The following FRMD6 variants were observed in gnomAD, a reference collection of about 807,000 sequenced individuals.
FRMD6 encodes FERM domain containing 6.
A neutral mutation model predicts 73.2 loss-of-function variants in FRMD6; 37 were observed. The observed-to-expected ratio is 0.51, with a 90% confidence interval of 0.39 to 0.66. FRMD6 has a LOEUF of 0.66. FRMD6 is among the 30% of genes least tolerant of loss of function. The pLI, the probability that FRMD6 is intolerant of heterozygous loss-of-function variation, is 0.00. For synonymous variants in FRMD6, 273 were observed against 282.2 expected (o/e 0.97, Z 0.33); for missense variants, 714 against 780.5 (o/e 0.91, Z 1.02).
chr14:51,684,389 C>T (rs964286415), intron 1 of FRMD6, among the ~76,000 whole-genome samples: 1 of 152,164 alleles, frequency 6.6e-6, no homozygotes, highest in African/African-American at 2.4e-5. Flanking sequence ...CCAGAGGCCA[C>T]ACACATTCAA....
At chr14:51,533,723 G>A (rs537524433) in intron 1 of FRMD6, among the ~76,000 whole-genome samples, 5 of 152,230 alleles carry the variant, frequency 3.3e-5, no homozygotes, top group Admixed American at 6.5e-5. Flanking sequence ...AATAAATGTC[G>A]TGGTCTCAAG....
the FRMD6 span, among the ~76,000 whole-genome samples, chr14:51,447,047 A>G: frequency 6.6e-6 from 1 of 152,212 alleles, no homozygotes; most frequent in African/African-American, 2.4e-5. Context: ...TCAATACTTT[A>G]TAATACTCTG....
intron 2 of FRMD6, among the ~76,000 whole-genome samples, chr14:51,629,063 A>C (rs1026869860): frequency 1.3e-5 from 2 of 151,780 alleles, no homozygotes; most frequent in Non-Finnish European, 2.9e-5. Flanking sequence ...TTTTTAGTAG[A>C]GACGGGGTTT....
At chr14:51,483,438 G>A in the FRMD6 span, among the ~76,000 whole-genome samples, 36 of 152,220 alleles carry the variant, frequency 2.4e-4, no homozygotes, top group African/African-American at 7.2e-4. Flanking sequence ...CATTTGAAGG[G>A]AGTCTTGCAT....
the FRMD6 span, among the ~76,000 whole-genome samples, chr14:51,441,859 C>T: frequency 6.6e-6 from 1 of 152,132 alleles, no homozygotes; most frequent in African/African-American, 2.4e-5. Context: ...TGTAAATATG[C>T]AGTGACATTA....
chr14:51,444,148 C>T, the FRMD6 span, among the ~76,000 whole-genome samples: 1 of 152,146 alleles, frequency 6.6e-6, no homozygotes, highest in Non-Finnish European at 1.5e-5. Flanking sequence ...AGGCTGGTCT[C>T]GAACTCCTGA....
chr14:51,582,655 C>T (rs1888792044), intron 2 of FRMD6, among the ~76,000 whole-genome samples: 1 of 152,206 alleles, frequency 6.6e-6, no homozygotes, highest in African/African-American at 2.4e-5. Flanking sequence ...GGTCATCTCA[C>T]TGCCAGTGGA....
intron 1 of FRMD6, among the ~76,000 whole-genome samples, chr14:51,680,983 G>C (rs1469104596): frequency 2.6e-5 from 4 of 152,122 alleles, no homozygotes; most frequent in Non-Finnish European, 5.9e-5. Context: ...AAGCCAAATT[G>C]GTTGCAGTGA....
intron 6 of FRMD6, among the ~76,000 whole-genome samples, chr14:51,707,738 A>G (rs901909518): frequency 6.6e-6 from 1 of 152,142 alleles, no homozygotes; most frequent in Non-Finnish European, 1.5e-5. Context: ...ACCAAGTATA[A>G]ACTTGCAAGT....
intron 5 of FRMD6, among the ~76,000 whole-genome samples, chr14:51,704,228 T>C (rs1296067693): frequency 6.6e-6 from 1 of 152,070 alleles, no homozygotes; most frequent in Non-Finnish European, 1.5e-5. Context: ...GTTAAGCAAA[T>C]TTTTTTCCAG....
chr14:51,415,192 A>C, the FRMD6 span, among the ~76,000 whole-genome samples: 1 of 152,192 alleles, frequency 6.6e-6, no homozygotes, highest in Non-Finnish European at 1.5e-5. Context: ...CACTATGTTG[A>C]ATAGGAGTGG....
the FRMD6 span, among the ~76,000 whole-genome samples, chr14:51,474,002 A>G: frequency 6.6e-6 from 1 of 152,122 alleles, no homozygotes; most frequent in African/African-American, 2.4e-5. Flanking sequence ...ATTTATCATC[A>G]CAAAAACCCT....
At chr14:51,530,913 G>C (rs771800573) in intron 1 of FRMD6, among the ~76,000 whole-genome samples, 53 of 152,176 alleles carry the variant, frequency 3.5e-4, no homozygotes, top group Non-Finnish European at 6.2e-4. Context: ...ACCTGAGACT[G>C]GGTAATTTAT....
Position 51,702,595 on chromosome 14 carries a change from G to C in FRMD6, c.371+7G>C. The C allele has an allele frequency of 6.2e-7, 1 of 1,607,862 alleles. No homozygotes were observed. The highest frequency in any genetic ancestry group is 8.5e-7 in the Non-Finnish European group (1 of 1,176,202). On this transcript the variant is annotated splice_region_variant and intron_variant, in intron 5 of 13. Coordinates refer to ENST00000344768, the MANE Select transcript of FRMD6 (RefSeq NM_001267046.2). ...AAAATGGCAGATTGATCAGGTAAGA[G>C]GACAGGGGGTGATTCTAAACGCTTT...
At chr14:51,669,906 C>G (rs941081698) in intron 1 of FRMD6, among the ~76,000 whole-genome samples, 1 of 150,812 alleles carries the variant, frequency 6.6e-6, no homozygotes, top group Non-Finnish European at 1.5e-5. Flanking sequence ...CAACAAAGAT[C>G]TTCCCCTGTA....
At chr14:51,409,496 G>A in the FRMD6 span, among the ~76,000 whole-genome samples, 1 of 151,920 alleles carries the variant, frequency 6.6e-6, no homozygotes, top group Admixed American at 6.6e-5. Flanking sequence ...ATTGAGAAGT[G>A]GATATCATCT....
intron 1 of FRMD6, among the ~76,000 whole-genome samples, chr14:51,494,215 A>G (rs1361150111): frequency 2.0e-5 from 3 of 152,180 alleles, no homozygotes; most frequent in African/African-American, 7.2e-5. Context: ...CATCAACTCA[A>G]AAGTCTAGAG....
chr14:51,514,800 A>G (rs1884525649), intron 1 of FRMD6, among the ~76,000 whole-genome samples: 1 of 152,184 alleles, frequency 6.6e-6, no homozygotes, highest in Non-Finnish European at 1.5e-5. Context: ...GTGAGTCAAA[A>G]TTGCACCACT....
chr14:51,574,843 CAAAG>C (rs1418847876), intron 2 of FRMD6, among the ~76,000 whole-genome samples: 25 of 152,244 alleles, frequency 1.6e-4, no homozygotes, highest in Non-Finnish European at 2.9e-4. Flanking sequence ...GTTTGTAACA[CAAAG>C]AAAGTATAAA....
Sources: gnomAD v4.1 joint callset for allele counts (sites outside exome capture counted in the v4.1 genomes callset) on GRCh38, gnomAD v4.1.1 for gene constraint, MANE v1.5 for transcripts, NCBI Gene and HGNC (gene_info 2026-07-23, HGNC 2026-07-21) for gene names.